Variants in CADPS2 observed in about 807,000 individuals in gnomAD.
CADPS2 encodes calcium-dependent secretion activator 2.
CADPS2 carries 93 observed loss-of-function variants against 172.5 expected under a neutral mutation model. That is an observed-to-expected ratio of 0.54 (90% CI 0.46 to 0.64). CADPS2 has a LOEUF of 0.64. Ranked by LOEUF, CADPS2 falls within the 30% of genes least tolerant of loss-of-function variation. The pLI is 0.00. For synonymous variants in CADPS2, 546 were observed against 555.2 expected, an observed-to-expected ratio of 0.98 and a Z score of 0.23; for missense variants, 1,420 against 1,565.9, an observed-to-expected ratio of 0.91 and a Z score of 1.57.
chr7:122,635,622 T>C (rs1192399899), intron 3 of CADPS2, among the ~76,000 whole-genome samples: 1 of 152,222 alleles, frequency 6.6e-6, no homozygotes, highest in Non-Finnish European at 1.5e-5. Context: ...TCATTTTTTA[T>C]GGCTGCATAG....
intron 1 of CADPS2, among the ~76,000 whole-genome samples, chr7:122,863,825 T>C (rs529332320): frequency 2.0e-5 from 3 of 152,296 alleles, no homozygotes; most frequent in African/African-American, 7.2e-5. Flanking sequence ...AGGTCAGGCA[T>C]TTGAGAACAG....
chr7:122,705,923 A>ATATATAATATATAATATAATATAT (rs2087210870), intron 2 of CADPS2, among the ~76,000 whole-genome samples: 2 of 980 alleles, frequency 2.0e-3, no homozygotes, highest in African/African-American at 2.9e-3. Flanking sequence ...ATATAATATA[A>ATATATAATATATAATATAATATAT]TATATAATAT....
intron 7 of CADPS2, among the ~76,000 whole-genome samples, chr7:122,559,849 G>A (rs1488261461): frequency 6.6e-6 from 1 of 151,438 alleles, no homozygotes; most frequent in Non-Finnish European, 1.5e-5. Flanking sequence ...CCTTTCTAGA[G>A]TTAGGAAAAG....
intron 7 of CADPS2, among the ~76,000 whole-genome samples, chr7:122,556,315 T>C (rs998669937): frequency 2.0e-5 from 3 of 152,162 alleles, no homozygotes; most frequent in Non-Finnish European, 2.9e-5. Context: ...AAGACTAAGA[T>C]AGATCTCTAT....
chr7:122,331,069 T>A (rs913945239), intron 28 of CADPS2: 4 of 152,292 alleles, frequency 2.6e-5, no homozygotes, highest in African/African-American at 9.6e-5. Context: ...CCAGTTGTCA[T>A]TCTGTTTTTA....
intron 8 of CADPS2, among the ~76,000 whole-genome samples, chr7:122,526,364 C>T (rs1161440286): frequency 1.3e-5 from 2 of 151,590 alleles, no homozygotes; most frequent in Non-Finnish European, 2.9e-5. Flanking sequence ...GCTAATTTTT[C>T]GTATTTTTAG....
At chr7:122,734,188 A>G (rs2091925812) in intron 2 of CADPS2, among the ~76,000 whole-genome samples, 1 of 150,868 alleles carries the variant, frequency 6.6e-6, no homozygotes, top group South Asian at 2.1e-4. Context: ...TAAGATGGGA[A>G]TAATTATCTT....
chr7:122,371,026 T>C (rs2041699390), intron 25 of CADPS2, among the ~76,000 whole-genome samples: 1 of 152,174 alleles, frequency 6.6e-6, no homozygotes, highest in Admixed American at 6.5e-5. Flanking sequence ...CACTGCACTC[T>C]CAAACACTAC....
intron 2 of CADPS2, among the ~76,000 whole-genome samples, chr7:122,723,449 A>G (rs1007959890): frequency 6.6e-6 from 1 of 152,246 alleles, no homozygotes; most frequent in Non-Finnish European, 1.5e-5. Flanking sequence ...ACAGGCCATC[A>G]GAGAAATGCA....
At position 122,675,851 on chromosome 7, in the gene CADPS2, T is replaced by A. The variant is rs1163816357; in HGVS notation, c.454-12282A>T. Among the ~76,000 whole-genome samples, 3 of 151,890 alleles carry A rather than the reference T, an allele frequency of 2.0e-5. No homozygotes were observed. The East Asian group carries it at 5.8e-4, about 29-fold the overall frequency. On this transcript the variant is annotated intron_variant, in intron 2 of 29. Coordinates refer to ENST00000449022, the MANE Select transcript of CADPS2 (RefSeq NM_017954.11). Reference sequence around the variant, plus strand: ...TGGGGGTTAAAGGAGGGGAGAGGATTAGGACAAACACCCAATGCACACAGG... The same window carrying A: ...TGGGGGTTAAAGGAGGGGAGAGGATAAGGACAAACACCCAATGCACACAGG...
chr7:122,511,918 G>A (rs1015883906), intron 9 of CADPS2, among the ~76,000 whole-genome samples: 2 of 152,098 alleles, frequency 1.3e-5, no homozygotes, highest in Non-Finnish European at 2.9e-5. Flanking sequence ...GTAGAAGATG[G>A]CTTAAGGTTT....
intron 1 of CADPS2, among the ~76,000 whole-genome samples, chr7:122,850,915 C>G (rs2141095183): frequency 6.6e-6 from 1 of 152,272 alleles, no homozygotes; most frequent in Middle Eastern, 3.4e-3. Context: ...CTCTGTTCAC[C>G]CTAGCAATAT....
At chr7:122,597,042 T>A (rs946317029) in intron 6 of CADPS2, among the ~76,000 whole-genome samples, 1 of 151,974 alleles carries the variant, frequency 6.6e-6, no homozygotes, top group African/African-American at 2.4e-5. Context: ...GCCAGGCTCA[T>A]TTTAACAACC....
intron 25 of CADPS2, among the ~76,000 whole-genome samples, chr7:122,362,722 T>G (rs561779045): frequency 6.6e-6 from 1 of 152,342 alleles, no homozygotes; most frequent in African/African-American, 2.4e-5. Context: ...CTGGTTTTTG[T>G]TCACATAGCA....
chr7:122,510,222 AAT>A (rs2059914395), intron 9 of CADPS2, among the ~76,000 whole-genome samples: 1 of 152,136 alleles, frequency 6.6e-6, no homozygotes, highest in Non-Finnish European at 1.5e-5. Flanking sequence ...TATTCTTCGA[AAT>A]CACTGTTCTT....
intron 2 of CADPS2, among the ~76,000 whole-genome samples, chr7:122,715,123 A>G (rs1052072290): frequency 6.6e-6 from 1 of 152,180 alleles, no homozygotes; most frequent in Non-Finnish European, 1.5e-5. Flanking sequence ...CAGCAACTAC[A>G]TGAAGCTAAT....
At chr7:122,815,880 T>A (rs1446130824) in intron 1 of CADPS2, among the ~76,000 whole-genome samples, 1 of 152,060 alleles carries the variant, frequency 6.6e-6, no homozygotes, top group Non-Finnish European at 1.5e-5. Flanking sequence ...TAAAAAAAAA[T>A]TAAAAGTTTT....
At chr7:122,818,434 T>C (rs570705495) in intron 1 of CADPS2, among the ~76,000 whole-genome samples, 16 of 152,210 alleles carry the variant, frequency 1.1e-4, no homozygotes, top group African/African-American at 3.6e-4. Flanking sequence ...AGGCATTCTT[T>C]TACACGTCAG....
intron 5 of CADPS2, among the ~76,000 whole-genome samples, chr7:122,618,723 G>A (rs1398649038): frequency 6.6e-6 from 1 of 152,162 alleles, no homozygotes. Flanking sequence ...TGAGGAGCAA[G>A]GCTTGCTGAA....
Sources: allele counts gnomAD v4.1 joint callset (sites outside exome capture counted in the v4.1 genomes callset), GRCh38; gene constraint gnomAD v4.1.1; transcripts MANE v1.5; gene names NCBI Gene and HGNC (gene_info 2026-07-23, HGNC 2026-07-21).